The following FOXN3 variants were observed in gnomAD, a reference collection of about 807,000 sequenced individuals.
FOXN3 encodes forkhead box N3, also known as forkhead box protein N3.
In FOXN3, 7 loss-of-function variants were observed where a neutral mutation model predicts 38.4. The observed-to-expected ratio is 0.18, with a 90% CI of 0.10 to 0.34. The LOEUF (loss-of-function observed/expected upper bound fraction) is 0.34. Ranked by LOEUF, FOXN3 falls within the 10% of genes least tolerant of loss-of-function variation. The pLI is 1.00. For missense variants in FOXN3, 456 were observed against 613.4 expected (o/e 0.74, Z 2.71); for synonymous variants, 230 against 242.2 (o/e 0.95, Z 0.47).
intron 2 of FOXN3, among the ~76,000 whole-genome samples, chr14:89,397,173 C>G (rs1478963871): frequency 1.3e-5 from 2 of 152,038 alleles, no homozygotes; most frequent in Non-Finnish European, 2.9e-5. Flanking sequence ...CCTCAGTAAA[C>G]TAACACAGGA....
intron 1 of FOXN3, among the ~76,000 whole-genome samples, chr14:89,556,532 C>T (rs927442239): frequency 1.3e-5 from 2 of 152,104 alleles, no homozygotes; most frequent in African/African-American, 2.4e-5. Flanking sequence ...ATACCTACCC[C>T]TGGAGATCTG....
chr14:89,449,708 A>T (rs1596278457), intron 1 of FOXN3, among the ~76,000 whole-genome samples: 1 of 152,244 alleles, frequency 6.6e-6, no homozygotes, highest in Non-Finnish European at 1.5e-5. Flanking sequence ...GTGGGTGAGT[A>T]GCTTGCCAGA....
chr14:89,212,132 C>T (rs1000240962), intron 4 of FOXN3, among the ~76,000 whole-genome samples: 5 of 152,228 alleles, frequency 3.3e-5, no homozygotes, highest in Admixed American at 2.0e-4. Context: ...CCTGGACTTC[C>T]AGCCTCCAGA....
Position 89,308,388 on chromosome 14 carries a change from G to A in FOXN3, c.681-27374C>T, listed in dbSNP as rs142807552. ...AGCTCGAATCTTCTGGAATTTGTTC[G>A]AGATGTCCCGCACCGTTCTGTGCAG... On this transcript the variant is annotated intron_variant, in intron 3 of 5. Transcript: ENST00000557258. Among the ~76,000 whole-genome samples the A allele has an allele frequency of 1.9e-3, 283 of 152,334 alleles. 4 individuals are homozygous for A. The highest frequency in any genetic ancestry group is 6.4e-3 in the African/African-American group (268 of 41,574).
intron 4 of FOXN3, among the ~76,000 whole-genome samples, chr14:89,231,293 C>G (rs1181245007): frequency 6.6e-6 from 1 of 152,116 alleles, no homozygotes; most frequent in Non-Finnish European, 1.5e-5. Flanking sequence ...TTACCCATAT[C>G]CCATATAATG....
intron 4 of FOXN3, among the ~76,000 whole-genome samples, chr14:89,212,934 C>A (rs953246230): frequency 1.3e-5 from 2 of 152,170 alleles, no homozygotes; most frequent in Non-Finnish European, 2.9e-5. Context: ...AAACTCAGGT[C>A]TTTTAAGTTG....
intron 1 of FOXN3, among the ~76,000 whole-genome samples, chr14:89,455,394 G>T (rs1047582101): frequency 1.3e-5 from 2 of 152,236 alleles, no homozygotes. Flanking sequence ...CTGCAGAAAT[G>T]AATGCTGTCA....
intron 4 of FOXN3, among the ~76,000 whole-genome samples, chr14:89,200,336 T>C (rs979362505): frequency 2.0e-5 from 3 of 152,188 alleles, no homozygotes; most frequent in African/African-American, 7.2e-5. Flanking sequence ...AAATTGCCCA[T>C]CTATTACCCC....
At chr14:89,271,487 A>G (rs886871186) in intron 4 of FOXN3, among the ~76,000 whole-genome samples, 3 of 152,246 alleles carry the variant, frequency 2.0e-5, no homozygotes, top group African/African-American at 7.2e-5. Flanking sequence ...AAATTAAATA[A>G]GGAAAGATTC....
At chr14:89,220,748 C>T (rs1884437435) in intron 4 of FOXN3, among the ~76,000 whole-genome samples, 1 of 152,190 alleles carries the variant, frequency 6.6e-6, no homozygotes, top group Non-Finnish European at 1.5e-5. Context: ...TCCTATCAGA[C>T]GAATTTCTCA....
intron 1 of FOXN3, among the ~76,000 whole-genome samples, chr14:89,588,072 C>T (rs988620618): frequency 1.3e-5 from 2 of 152,186 alleles, no homozygotes; most frequent in South Asian, 2.1e-4. Context: ...ATGGATTTCT[C>T]ATGAAAGGTT....
intron 4 of FOXN3, among the ~76,000 whole-genome samples, chr14:89,229,789 G>A (rs1188283734): frequency 1.3e-5 from 2 of 152,066 alleles, no homozygotes; most frequent in Non-Finnish European, 2.9e-5. Context: ...AAGGAGGTAG[G>A]GCAACACTCA....
intron 1 of FOXN3, among the ~76,000 whole-genome samples, chr14:89,480,178 G>A (rs1302328286): frequency 1.3e-5 from 2 of 152,074 alleles, no homozygotes; most frequent in Admixed American, 6.5e-5. Flanking sequence ...AGAGGCGGGC[G>A]GATCATGAGG....
chr14:89,280,492 T>C (rs928449201), intron 4 of FOXN3, among the ~76,000 whole-genome samples: 2 of 152,144 alleles, frequency 1.3e-5, no homozygotes, highest in Admixed American at 1.3e-4. Flanking sequence ...CAGGTACATG[T>C]AGATGTTGGG....
At chr14:89,586,971 CAG>C (rs1481613457) in intron 1 of FOXN3, among the ~76,000 whole-genome samples, 2 of 152,206 alleles carry the variant, frequency 1.3e-5, no homozygotes, top group African/African-American at 4.8e-5. Flanking sequence ...TTAAGAGAAA[CAG>C]AACCAGCAGA....
intron 3 of FOXN3, among the ~76,000 whole-genome samples, chr14:89,330,640 A>T (rs991093932): frequency 7.9e-5 from 12 of 152,284 alleles, no homozygotes; most frequent in Non-Finnish European, 1.5e-4. Context: ...AGACCAAAAG[A>T]AAAACCATAA....
rs78402149 is a variant in FOXN3 at position 89,210,406 on chromosome 14, C to T, written c.746-29600G>A. Among the ~76,000 whole-genome samples, 221 of 152,296 alleles carry T rather than the reference C, an allele frequency of 1.5e-3. 5 individuals carry two copies. In the East Asian group the frequency reaches 0.037, roughly 26 times the overall value. On this transcript the variant is annotated intron_variant, in intron 4 of 5. Coordinates refer to ENST00000557258, the MANE Select transcript of FOXN3 (RefSeq NM_005197.4). ...AGCACGTGCCTCCATGCTTCCTGTACAGCCTGCAGAACCGTAAGCCAATTA... is the reference window on the plus strand; with the variant it reads ...AGCACGTGCCTCCATGCTTCCTGTATAGCCTGCAGAACCGTAAGCCAATTA...
intron 2 of FOXN3, among the ~76,000 whole-genome samples, chr14:89,366,326 A>T (rs1253121521): frequency 6.6e-6 from 1 of 152,146 alleles, no homozygotes; most frequent in African/African-American, 2.4e-5. Flanking sequence ...TCCTGATAGG[A>T]AACAGGAATG....
intron 3 of FOXN3, among the ~76,000 whole-genome samples, chr14:89,325,372 G>GCCACCA (rs1888048853): frequency 3.6e-5 from 2 of 55,632 alleles, no homozygotes; most frequent in Non-Finnish European, 7.4e-5. Context: ...TACCACCACC[G>GCCACCA]CCACCACCAC....
Sources: gnomAD v4.1 joint callset for allele counts (sites outside exome capture counted in the v4.1 genomes callset) on GRCh38, gnomAD v4.1.1 for gene constraint, MANE v1.5 for transcripts, NCBI Gene and HGNC (gene_info 2026-07-23, HGNC 2026-07-21) for gene names.